Variants in CA5A observed in about 807,000 individuals in gnomAD.
The protein encoded by CA5A is carbonic anhydrase 5A, mitochondrial.
CA5A carries 28 observed loss-of-function variants against 37.1 expected under a neutral mutation model. That is an observed-to-expected ratio of 0.75 (90% confidence interval 0.56 to 1.03). The LOEUF is 1.03. Ranked by LOEUF, CA5A falls within the 50% of genes least tolerant of loss-of-function variation. The probability of loss-of-function intolerance (pLI) is 0.00; values close to 1 mark genes in which losing one functional copy is unlikely to be tolerated. For synonymous variants in CA5A, 171 were observed against 158.4 expected, an observed-to-expected ratio of 1.08 and a Z score of -0.60; for missense variants, 444 against 399.9, an observed-to-expected ratio of 1.11 and a Z score of -0.94.
intron 1 of CA5A, among the ~76,000 whole-genome samples, chr16:87,929,728 C>T (rs1273286346): frequency 2.6e-5 from 4 of 151,740 alleles, no homozygotes; most frequent in South Asian, 2.1e-4. Context: ...AAAAATTAGC[C>T]GGGCGTGGTG....
chr16:87,899,196 G>C (rs1235036756), intron 5 of CA5A, among the ~76,000 whole-genome samples: 1 of 152,012 alleles, frequency 6.6e-6, no homozygotes, highest in Admixed American at 6.6e-5. Flanking sequence ...CCTAGGCTAG[G>C]AGCCTCTAGG....
chr16:87,892,503 C>G (rs2055732447), intron 5 of CA5A, among the ~76,000 whole-genome samples: 1 of 135,792 alleles, frequency 7.4e-6, no homozygotes, highest in African/African-American at 2.7e-5. Flanking sequence ...GAGTGAGACT[C>G]TGTCTCAAAT....
chr16:87,903,939 A>C (rs1277774959), intron 3 of CA5A, among the ~76,000 whole-genome samples: 1 of 152,198 alleles, frequency 6.6e-6, no homozygotes, highest in African/African-American at 2.4e-5. Flanking sequence ...GAAATCTATA[A>C]GGCATCACTT....
At chr16:87,900,458 C>G (rs1257499609) in intron 5 of CA5A, among the ~76,000 whole-genome samples, 5 of 152,246 alleles carry the variant, frequency 3.3e-5, no homozygotes, top group Non-Finnish European at 7.3e-5. Flanking sequence ...GGTCCCAGCT[C>G]CATCTGGACC....
intron 5 of CA5A, chr16:87,893,871 C>T (rs972094648): frequency 2.9e-5 from 7 of 243,562 alleles, no homozygotes; most frequent in Non-Finnish European, 4.8e-5. Flanking sequence ...TTCCTGGGCT[C>T]AAGCGATCCC....
intron 1 of CA5A, among the ~76,000 whole-genome samples, chr16:87,935,923 A>G (rs1257585843): frequency 1.3e-5 from 2 of 152,088 alleles, no homozygotes; most frequent in Admixed American, 6.6e-5. Context: ...CTGCAATCCC[A>G]GCACTTTGGG....
intron 2 of CA5A, among the ~76,000 whole-genome samples, chr16:87,915,689 CAAAAAAAAAAAA>C (rs10593708): frequency 1.2e-5 from 1 of 83,618 alleles, no homozygotes; most frequent in Non-Finnish European, 2.3e-5. Flanking sequence ...ATCCTGTCTC[CAAAAAAAAAAAA>C]AAAAAAAAAA....
At chr16:87,889,039 C>A (rs941853929) in intron 6 of CA5A, among the ~76,000 whole-genome samples, 6 of 151,988 alleles carry the variant, frequency 3.9e-5, no homozygotes, top group Non-Finnish European at 5.9e-5. Flanking sequence ...CCTGCCTCAG[C>A]CTCCTGAGTA....
chr16:87,893,131 T>C (rs1179231679), intron 5 of CA5A: 2 of 519,152 alleles, frequency 3.9e-6, no homozygotes, highest in Admixed American at 3.6e-5. Context: ...TCTTCCTTTC[T>C]TTCTTTCTTT....
At chr16:87,888,504 G>A (rs117680961) in intron 6 of CA5A, among the ~76,000 whole-genome samples, 263 of 152,276 alleles carry the variant, frequency 1.7e-3, no homozygotes, top group Non-Finnish European at 2.7e-3. Context: ...TCGCCATATT[G>A]GGAGGGTACT....
chr16:87,882,444 G>A (rs951198314), intron 4 of CA5A: 1 of 152,240 alleles, frequency 6.6e-6, no homozygotes, highest in Non-Finnish European at 1.5e-5. Context: ...TCTCAAGTGA[G>A]CCTCAGTTTC....
Position 87,888,167 on chromosome 16 carries a change from C to G in CA5A, c.880G>C (p.Ala294Pro). ...CCCTCATTAGTGGCCTGGAAGGACG[C>G]CCAGACCTTCCGGTTCATCAAGGGT... ...LQPLMNRKVWASFQATNEGTR... is the reference protein window; with the variant it reads ...LQPLMNRKVWPSFQATNEGTR... Residue 294 changes from alanine (A) to proline (P), a missense_variant, in exon 7 of 7, where the codon GCG (alanine) becomes CCG (proline). Coordinates refer to ENST00000649794, the MANE Select transcript of CA5A (RefSeq NM_001739.2). 2 of 1,613,880 alleles carry G rather than the reference C, an allele frequency of 1.2e-6. No individual in the cohort carries two copies. Among genetic ancestry groups the G allele is most frequent in the Non-Finnish European group, 1.7e-6 (2 of 1,179,810 alleles).
chr16:87,934,135 G>T (rs1434736877), intron 1 of CA5A, among the ~76,000 whole-genome samples: 3 of 152,258 alleles, frequency 2.0e-5, no homozygotes, highest in Admixed American at 6.5e-5. Context: ...GTCTAGCAAG[G>T]GCTTCCTGGA....
intron 2 of CA5A, among the ~76,000 whole-genome samples, chr16:87,906,568 A>T (rs1307863627): frequency 6.6e-6 from 1 of 152,118 alleles, no homozygotes; most frequent in African/African-American, 2.4e-5. Flanking sequence ...CGGAGGTTGC[A>T]GTGAGCTGAG....
intron 1 of CA5A, among the ~76,000 whole-genome samples, chr16:87,935,901 C>T (rs1052070433): frequency 6.7e-6 from 1 of 149,726 alleles, no homozygotes; most frequent in East Asian, 2.0e-4. Context: ...GGCCGGGCGC[C>T]GTGGCTGATG....
At chr16:87,933,111 T>C (rs886160352) in intron 1 of CA5A, among the ~76,000 whole-genome samples, 2 of 152,160 alleles carry the variant, frequency 1.3e-5, no homozygotes, top group African/African-American at 2.4e-5. Flanking sequence ...GGGAGCCAAA[T>C]GCAAGAAGAC....
At chr16:87,882,026 G>C (rs1171075943) in intron 4 of CA5A, 1 of 152,238 alleles carries the variant, frequency 6.6e-6, no homozygotes, top group African/African-American at 2.4e-5. Flanking sequence ...GGGGCCGGTA[G>C]AACTGGAGCC....
At chr16:87,897,355 G>A (rs1397818366) in intron 5 of CA5A, among the ~76,000 whole-genome samples, 5 of 152,392 alleles carry the variant, frequency 3.3e-5, no homozygotes, top group Non-Finnish European at 4.4e-5. Flanking sequence ...CAAAACTTCT[G>A]GCTATGGTGA....
intron 2 of CA5A, among the ~76,000 whole-genome samples, chr16:87,915,145 A>G (rs2056117139): frequency 6.6e-6 from 1 of 151,912 alleles, no homozygotes; most frequent in Non-Finnish European, 1.5e-5. Flanking sequence ...GTCCGACCAC[A>G]CTCGCCTTTG....
Sources: allele counts gnomAD v4.1 joint callset (sites outside exome capture counted in the v4.1 genomes callset), GRCh38; gene constraint gnomAD v4.1.1; transcripts MANE v1.5; gene names NCBI Gene and HGNC (gene_info 2026-07-23, HGNC 2026-07-21).